Variants in RAB3GAP1 observed in about 807,000 individuals in gnomAD.
RAB3GAP1 encodes RAB3 GTPase activating protein catalytic subunit 1, also known as rab3 GTPase-activating protein catalytic subunit.
Under a neutral mutation model 130.7 loss-of-function variants are expected in RAB3GAP1, and 86 were observed. The ratio of observed to expected loss-of-function variants is 0.66; its 90% confidence interval spans 0.55 to 0.79. The LOEUF (loss-of-function observed/expected upper bound fraction) is 0.79, where lower values mean the gene tolerates loss of function less well. Ranked by LOEUF, RAB3GAP1 falls within the 30% of genes least tolerant of loss-of-function variation. The probability of loss-of-function intolerance (pLI) is 0.00; values close to 1 mark genes in which losing one functional copy is unlikely to be tolerated. For synonymous variants in RAB3GAP1, 367 were observed against 401.7 expected (o/e 0.91, Z 1.03); for missense variants, 1,029 against 1,169.4 (o/e 0.88, Z 1.75).
chr2:135,149,276 T>C (rs1164980449), intron 17 of RAB3GAP1, among the ~76,000 whole-genome samples: 1 of 152,212 alleles, frequency 6.6e-6, no homozygotes, highest in Admixed American at 6.5e-5. Flanking sequence ...ATTTGTGAAC[T>C]TGACTGAAAT....
intron 3 of RAB3GAP1, among the ~76,000 whole-genome samples, chr2:135,084,702 T>C (rs2104865296): frequency 6.6e-6 from 1 of 152,172 alleles, no homozygotes; most frequent in South Asian, 2.1e-4. Flanking sequence ...GGGGTTATTA[T>C]TAATACTGAA....
intron 3 of RAB3GAP1, among the ~76,000 whole-genome samples, chr2:135,081,341 T>A (rs868848995): frequency 8.7e-4 from 75 of 86,438 alleles, no homozygotes; most frequent in African/African-American, 3.6e-3. Flanking sequence ...TATATATATA[T>A]ATATATATAT....
chr2:135,059,665 C>G (rs1689114130), intron 3 of RAB3GAP1, among the ~76,000 whole-genome samples: 1 of 151,960 alleles, frequency 6.6e-6, no homozygotes, highest in Non-Finnish European at 1.5e-5. Context: ...TTGAAATGTA[C>G]AGTCAATTAG....
chr2:135,064,030 T>C (rs1689249169), intron 3 of RAB3GAP1, among the ~76,000 whole-genome samples: 1 of 152,208 alleles, frequency 6.6e-6, no homozygotes, highest in South Asian at 2.1e-4. Context: ...AGTTCCATTG[T>C]CTTCTGTTCT....
chr2:135,161,475 T>C (rs1361830511), intron 19 of RAB3GAP1, among the ~76,000 whole-genome samples: 1 of 152,128 alleles, frequency 6.6e-6, no homozygotes, highest in Non-Finnish European at 1.5e-5. Flanking sequence ...AACAATATAT[T>C]ATTTAAGGCT....
chr2:135,126,555 A>G, intron 10 of RAB3GAP1, 28 bp from the exon 11 acceptor site: 1 of 1,566,152 alleles, frequency 6.4e-7, no homozygotes, highest in South Asian at 1.1e-5. Flanking sequence ...CATAATTAGG[A>G]TTTTATATTT....
chr2:135,143,335 C>G (rs1177490405), intron 17 of RAB3GAP1, among the ~76,000 whole-genome samples: 1 of 151,144 alleles, frequency 6.6e-6, no homozygotes, highest in East Asian at 1.9e-4. Context: ...CTCTTTTGTT[C>G]CTGATCTATA....
chr2:135,135,401 A>T (rs183780630), intron 16 of RAB3GAP1, 82 bp downstream of exon 16: 63 of 1,469,690 alleles, frequency 4.3e-5, no homozygotes, highest in Non-Finnish European at 4.9e-5. Context: ...AATGGGTTAC[A>T]TGCTGTTCTC....
intron 17 of RAB3GAP1, among the ~76,000 whole-genome samples, chr2:135,141,755 T>C (rs1691848107): frequency 6.6e-6 from 1 of 152,206 alleles, no homozygotes; most frequent in African/African-American, 2.4e-5. Context: ...AGGTTAAGAT[T>C]CTCTTTTCTC....
At chr2:135,069,157 A>G (rs1268200164) in intron 3 of RAB3GAP1, among the ~76,000 whole-genome samples, 1 of 152,220 alleles carries the variant, frequency 6.6e-6, no homozygotes, top group African/African-American at 2.4e-5. Context: ...GTATATGCTT[A>G]GTACATGTTT....
At chr2:135,143,580 CG>C (rs1289123403) in intron 17 of RAB3GAP1, among the ~76,000 whole-genome samples, 1 of 131,684 alleles carries the variant, frequency 7.6e-6, no homozygotes, top group African/African-American at 3.0e-5. Context: ...TTTTTTGAGA[CG>C]GAGTCTTGCT....
chr2:135,122,962 C>T (rs1035618381), intron 8 of RAB3GAP1, among the ~76,000 whole-genome samples: 1 of 152,168 alleles, frequency 6.6e-6, no homozygotes, highest in Non-Finnish European at 1.5e-5. Flanking sequence ...CTCCTGACCT[C>T]AGGTGATCCA....
intron 8 of RAB3GAP1, among the ~76,000 whole-genome samples, chr2:135,122,312 C>A (rs2104930404): frequency 6.6e-6 from 1 of 152,286 alleles, no homozygotes; most frequent in East Asian, 1.9e-4. Flanking sequence ...TCCCAGGTAA[C>A]AGTACCCACT....
intron 3 of RAB3GAP1, among the ~76,000 whole-genome samples, chr2:135,076,831 A>G (rs1689646153): frequency 6.6e-6 from 1 of 152,182 alleles, no homozygotes; most frequent in South Asian, 2.1e-4. Context: ...ATCATACAGT[A>G]TTTGTCCTTT....
At chr2:135,172,073 CTTGA>C (rs906621484), downstream of RAB3GAP1, among the ~76,000 whole-genome samples, 4 of 152,078 alleles carry the variant, frequency 2.6e-5, no homozygotes, top group African/African-American at 7.2e-5. Context: ...GATTTGTTTT[CTTGA>C]TTAAGAAGGG....
At chr2:135,144,868 T>C (rs915527770) in intron 17 of RAB3GAP1, among the ~76,000 whole-genome samples, 4 of 152,240 alleles carry the variant, frequency 2.6e-5, no homozygotes, top group African/African-American at 7.2e-5. Flanking sequence ...CTCTGAACTT[T>C]CCAGTTTCCT....
chr2:135,115,148 A>T, intron 6 of RAB3GAP1, 68 bp from the exon 7 acceptor site: 7 of 1,458,014 alleles, frequency 4.8e-6, no homozygotes, highest in Non-Finnish European at 6.6e-6. Context: ...TAATTTGGAA[A>T]AAATTTGAGG....
intron 5 of RAB3GAP1, among the ~76,000 whole-genome samples, chr2:135,097,588 T>G (rs939806750): frequency 7.2e-5 from 11 of 152,164 alleles, no homozygotes; most frequent in Admixed American, 2.6e-4. Context: ...TTTGTCTTTT[T>G]GAGAGTGTCA....
intron 3 of RAB3GAP1, among the ~76,000 whole-genome samples, chr2:135,082,003 G>A (rs1239603595): frequency 6.6e-6 from 1 of 151,900 alleles, no homozygotes; most frequent in African/African-American, 2.4e-5. Context: ...TTAGCCAGGT[G>A]TGGTGGCACA....
Sources: gnomAD v4.1 joint callset for allele counts (sites outside exome capture counted in the v4.1 genomes callset) on GRCh38, gnomAD v4.1.1 for gene constraint, MANE v1.5 for transcripts, NCBI Gene and HGNC (gene_info 2026-07-23, HGNC 2026-07-21) for gene names.